DLG2: variants seen among roughly 807,000 people sequenced by gnomAD.
DLG2 encodes the protein discs large MAGUK scaffold protein 2.
DLG2 carries 45 observed loss-of-function variants against 132.5 expected under a neutral mutation model. The observed-to-expected ratio is 0.34, with a 90% CI of 0.27 to 0.44. The LOEUF is 0.44. Ranked by LOEUF, DLG2 falls within the 20% of genes least tolerant of loss-of-function variation. DLG2 has a pLI of 1.00. For synonymous variants in DLG2, 424 were observed against 419.6 expected (o/e 1.01, Z -0.13); for missense variants, 1,045 against 1,196.9 (o/e 0.87, Z 1.87).
At chr11:85,466,482 T>C (rs2092794775) in intron 3 of DLG2, among the ~76,000 whole-genome samples, 1 of 152,346 alleles carries the variant, frequency 6.6e-6, no homozygotes, top group African/African-American at 2.4e-5. Flanking sequence ...GAATGAATTT[T>C]TGTATAAGGT....
intron 7 of DLG2, among the ~76,000 whole-genome samples, chr11:84,310,411 T>G (rs2098274532): frequency 6.6e-6 from 1 of 152,190 alleles, no homozygotes; most frequent in Admixed American, 6.5e-5. Context: ...CTAATGTCAT[T>G]TCCTAGCACA....
chr11:85,411,625 A>C (rs1344600999), intron 3 of DLG2, among the ~76,000 whole-genome samples: 1 of 151,776 alleles, frequency 6.6e-6, no homozygotes, highest in Non-Finnish European at 1.5e-5. Flanking sequence ...ATATGCATAC[A>C]TCCACATTTT....
Position 83,962,966 on chromosome 11 carries a change from T to C in DLG2, c.1259A>G (p.Tyr420Cys), listed in dbSNP as rs770509331. 6 of 1,613,230 alleles carry C rather than the reference T, an allele frequency of 3.7e-6. No individual in the cohort carries two copies. Among genetic ancestry groups the C allele is most frequent in the Non-Finnish European group, 5.1e-6 (6 of 1,179,264 alleles). The change falls in exon 14 of 28, where the codon TAT becomes TGT. Residue 420 changes from tyrosine (Y) to cysteine (C), a missense_variant. Physicochemically the swap from Tyr to Cys is radical, Grantham distance 194. This residue lies in a region of DLG2 where 261 missense variants were observed against 256.1 expected (regional missense o/e 1.02). Transcript: ENST00000376104. ...LLSGNNGTLE[Y>C]KTSLPPISPG... ...AGAGATGGGTGGCAGGGAGGTTTTA[T>C]ATTCTAAAGTGCCATTGTTGCCAGA... is the stretch of plus-strand genomic sequence containing the variant.
chr11:84,630,103 G>T (rs1238581073), intron 6 of DLG2, among the ~76,000 whole-genome samples: 1 of 152,070 alleles, frequency 6.6e-6, no homozygotes, highest in Non-Finnish European at 1.5e-5. Context: ...AGGATTTCAG[G>T]CTCAAGTAAT....
chr11:85,030,248 G>A (rs1000517501), intron 6 of DLG2, among the ~76,000 whole-genome samples: 2 of 152,158 alleles, frequency 1.3e-5, no homozygotes, highest in Non-Finnish European at 2.9e-5. Context: ...TTGTTTTGTG[G>A]GTTTTGGTTG....
At chr11:83,806,213 T>C (rs902785124) in intron 17 of DLG2, among the ~76,000 whole-genome samples, 7 of 152,172 alleles carry the variant, frequency 4.6e-5, no homozygotes, top group African/African-American at 1.7e-4. Context: ...CAGCATTACA[T>C]GAATTTTGGT....
chr11:83,884,789 A>G (rs965955504), intron 15 of DLG2, among the ~76,000 whole-genome samples: 1 of 152,196 alleles, frequency 6.6e-6, no homozygotes, highest in Non-Finnish European at 1.5e-5. Context: ...CGCGGTTCAC[A>G]AAAATCCACT....
intron 8 of DLG2, among the ~76,000 whole-genome samples, chr11:84,190,648 A>G (rs995260663): frequency 1.3e-4 from 20 of 152,188 alleles, no homozygotes; most frequent in Non-Finnish European, 1.2e-4. Context: ...ATATACATTC[A>G]ATGGAAATAG....
intron 6 of DLG2, among the ~76,000 whole-genome samples, chr11:84,995,738 G>T (rs2057586942): frequency 6.6e-6 from 1 of 151,844 alleles, no homozygotes; most frequent in Non-Finnish European, 1.5e-5. Flanking sequence ...TAAAAAAAAA[G>T]AGGAATGGAT....
chr11:84,649,044 G>C (rs2099678416), intron 6 of DLG2, among the ~76,000 whole-genome samples: 1 of 151,954 alleles, frequency 6.6e-6, no homozygotes, highest in South Asian at 2.1e-4. Flanking sequence ...TGACATATAG[G>C]GTTTTCCTCG....
chr11:85,129,768 G>A (rs2075514630), intron 5 of DLG2, among the ~76,000 whole-genome samples: 1 of 152,086 alleles, frequency 6.6e-6, no homozygotes, highest in South Asian at 2.1e-4. Context: ...TATGTTTATT[G>A]CAGCACTATT....
chr11:83,684,466 T>C (rs2079377010), intron 18 of DLG2: 1 of 152,194 alleles, frequency 6.6e-6, no homozygotes, highest in African/African-American at 2.4e-5. Flanking sequence ...TCTGAGCGTC[T>C]TACTAGAAGG....
chr11:84,256,018 T>C (rs1461438624), intron 7 of DLG2, among the ~76,000 whole-genome samples: 1 of 152,006 alleles, frequency 6.6e-6, no homozygotes, highest in African/African-American at 2.4e-5. Flanking sequence ...ATTTAAATGA[T>C]AGATCAAGTT....
rs369345076 is a variant in DLG2 at position 83,590,769 on chromosome 11, C to G, written c.1940+42442G>C. The stretch of plus-strand genomic sequence containing the variant: ...CAAGACTAATAAAGAAAAAAAGAGA[C>G]AAGAATCAAATAGACACAATAAAAA... On this transcript the variant is annotated intron_variant, in intron 19 of 27. Coordinates refer to ENST00000376104, the MANE Select transcript of DLG2 (RefSeq NM_001142699.3). Among the ~76,000 whole-genome samples, 134 of 151,492 alleles carry G rather than the reference C, an allele frequency of 8.8e-4. 1 individual carries two copies. The highest frequency in any genetic ancestry group is 8.4e-3 in the South Asian group (40 of 4,788).
At chr11:83,902,496 T>C (rs967639055) in intron 15 of DLG2, among the ~76,000 whole-genome samples, 2 of 152,232 alleles carry the variant, frequency 1.3e-5, no homozygotes, top group Non-Finnish European at 2.9e-5. Flanking sequence ...AAACAATTAC[T>C]CTTCAATCTG....
intron 6 of DLG2, among the ~76,000 whole-genome samples, chr11:84,926,870 G>T (rs2092996141): frequency 6.6e-6 from 1 of 152,022 alleles, no homozygotes; most frequent in Non-Finnish European, 1.5e-5. Context: ...ATCAATTTCT[G>T]AATTGATCTT....
At chr11:85,372,472 G>A (rs534331099) in intron 3 of DLG2, among the ~76,000 whole-genome samples, 7 of 152,258 alleles carry the variant, frequency 4.6e-5, no homozygotes, top group South Asian at 2.1e-4. Context: ...TCCAAGCTTC[G>A]GGTCAAAGCC....
intron 9 of DLG2, among the ~76,000 whole-genome samples, chr11:84,150,159 A>T (rs1010033470): frequency 6.6e-6 from 1 of 152,180 alleles, no homozygotes; most frequent in Non-Finnish European, 1.5e-5. Context: ...CAGTATGGCC[A>T]TTTCAACGGT....
At chr11:84,211,585 G>T (rs1338387099) in intron 8 of DLG2, among the ~76,000 whole-genome samples, 1 of 151,804 alleles carries the variant, frequency 6.6e-6, no homozygotes, top group African/African-American at 2.4e-5. Context: ...AAAGCTTATG[G>T]GTAAATATAA....
Sources: gnomAD v4.1 joint callset for allele counts (sites outside exome capture counted in the v4.1 genomes callset) on GRCh38, gnomAD v4.1.1 for gene constraint, gnomAD v4.1.1 regional missense constraint, MANE v1.5 for transcripts, NCBI Gene and HGNC (gene_info 2026-07-23, HGNC 2026-07-21) for gene names.